NR4A2: variants seen among roughly 807,000 people sequenced by gnomAD.
NR4A2 encodes the protein nuclear receptor subfamily 4 group A member 2, also known as NGFI-B/nur77 beta-type transcription factor homolog.
NR4A2 carries 1 observed loss-of-function variant against 50.5 expected under a neutral mutation model. That is an observed-to-expected ratio of 0.02 (90% confidence interval 0.01 to 0.09). NR4A2 has a LOEUF of 0.09. Ranked by LOEUF, NR4A2 falls within the 10% of genes least tolerant of loss-of-function variation. The pLI is 1.00. For missense variants in NR4A2, 613 were observed against 777.3 expected, an observed-to-expected ratio of 0.79 and a Z score of 2.51; for synonymous variants, 328 against 309.4, an observed-to-expected ratio of 1.06 and a Z score of -0.63.
Position 156,327,991 on chromosome 2 carries a change from CT to C in NR4A2, c.1017del (p.Gly340AlafsTer23). Reference sequence around the variant, plus strand: ...TTCGAGGGCAAACGACCTCTCCGGCCTTTTAAACTGTCTGTGCGAACCACTG... The same window carrying C: ...TTCGAGGGCAAACGACCTCTCCGGCCTTTAAACTGTCTGTGCGAACCACTG... ...VKEVVRTDSL[K>X]GRRGRLPSKP... is the part of the protein sequence containing the mutation. On this transcript the variant is annotated frameshift_variant, in exon 5 of 8. Coordinates refer to ENST00000339562, the MANE Select transcript of NR4A2 (RefSeq NM_006186.4). LOFTEE classifies it high-confidence loss of function. The C allele has an allele frequency of 6.2e-7, 1 of 1,605,758 alleles. No homozygotes were observed. The highest frequency in any genetic ancestry group is 1.7e-5 in the Admixed American group (1 of 59,194).
rs1417827950 is a variant in NR4A2 at position 156,330,917 on chromosome 2, C to G, written c.-126-126G>C. On this transcript the variant is annotated intron_variant, in intron 1 of 7. Transcript: ENST00000339562. ...TGTCTCATTGGAAATGAGTGGGAAG[C>G]CTTTACCAAACATAGCACTTAAAAT... 3.9e-6 allele frequency: 3 copies of G among 775,092 alleles called. No homozygotes were observed. The African/African-American group carries it at 5.4e-5, about 14-fold the overall frequency. The allele number at this position is 775,092 out of a possible 1,614,324, so 48.0% of individuals were successfully genotyped here.
chr2:156,326,360 A>G lies in NR4A2; in HGVS notation c.1362-32T>C. The stretch of plus-strand genomic sequence containing the variant: ...TTAATACCAAAGAGAGAGAGGGGAG[A>G]AAAAGAGAGAGAGAAAAGCTAAACA... On this transcript the variant is annotated intron_variant, in intron 6 of 7. Transcript: ENST00000339562. This position sits in a 1 kb window ranked among gnomAD's most constrained non-coding sequence, Gnocchi z 4.2. 1 of 1,585,688 alleles carries G rather than the reference A, an allele frequency of 6.3e-7. No individual in the cohort carries two copies. The highest frequency in any genetic ancestry group is 8.7e-7 in the Non-Finnish European group (1 of 1,154,016).
Position 156,325,528 on chromosome 2 carries a change from A to G in NR4A2, c.*216T>C, listed in dbSNP as rs535112949. On this transcript the variant is annotated 3_prime_UTR_variant, in exon 8 of 8. Transcript: ENST00000339562. ...AAATCCAGGATGCCCCGGAGCCAAA[A>G]TGCCCTTTCAGGTTCTGCCTGCAGG... 1 of 618,816 alleles carries G rather than the reference A, an allele frequency of 1.6e-6. No individual in the cohort carries two copies. The highest frequency in any genetic ancestry group is 2.8e-6 in the Non-Finnish European group (1 of 355,016). The allele number at this position is 618,816 out of a possible 1,614,324, so 38.3% of individuals were successfully genotyped here.
Position 156,328,346 on chromosome 2 carries a change from A to G in NR4A2, c.994+58T>C. ...GGGAAGTGGAACGTGATGCTGGAGT[A>G]TGAGCAGTGGTTTCCTAAAGGCGCA... is the stretch of plus-strand genomic sequence containing the variant. On this transcript the variant is annotated intron_variant, in intron 4 of 7. Transcript: ENST00000339562. The surrounding 1 kb of genome is among the most constrained non-coding windows in gnomAD (Gnocchi z 4.9). 1 of 1,613,004 alleles carries G rather than the reference A, an allele frequency of 6.2e-7. No individual in the cohort carries two copies. Among genetic ancestry groups the G allele is most frequent in the Non-Finnish European group, 8.5e-7 (1 of 1,179,232 alleles).
chr2:156,329,934 C>T lies in NR4A2; in HGVS notation c.253G>A (p.Gly85Arg), dbSNP rs1446815988. 7 of 1,614,130 alleles carry T rather than the reference C, an allele frequency of 4.3e-6. No homozygotes were observed. The highest frequency in any genetic ancestry group is 5.1e-6 in the Non-Finnish European group (6 of 1,180,034). Residue 85 changes from glycine to arginine, a missense_variant, in exon 3 of 8, where the codon GGA (glycine) becomes AGA (arginine). Coordinates refer to ENST00000339562, the MANE Select transcript of NR4A2 (RefSeq NM_006186.4). The surrounding 1 kb of genome is among the most constrained non-coding windows in gnomAD (Gnocchi z 7.5). ...TCTACCTTAATGGAGGACTGCTGTCCGGACAGGGGCATTTGGTACAAGCAA... is the reference window on the plus strand; with the variant it reads ...TCTACCTTAATGGAGGACTGCTGTCTGGACAGGGGCATTTGGTACAAGCAA... ...PPCLYQMPLSGQQSSIKVEDI... is the reference protein window; with the variant it reads ...PPCLYQMPLSRQQSSIKVEDI...
Position 156,330,687 on chromosome 2 carries a change from G to T in NR4A2, c.-22C>A, listed in dbSNP as rs1456279054. 3.2e-6 allele frequency: 4 copies of T among 1,269,070 alleles called. No homozygotes were observed. The highest frequency in any genetic ancestry group is 2.9e-5 in the East Asian group (1 of 34,508). The allele number at this position is 1,269,070 out of a possible 1,614,324, so 78.6% of individuals were successfully genotyped here. On this transcript the variant is annotated 5_prime_UTR_variant, in exon 2 of 8. Transcript: ENST00000339562. ...ACTAACCTTCAGCCGAGTTACAGGC[G>T]TTTTCGAGGAAATTAAAGGTGGACA...
chr2:156,326,342 C>G lies in NR4A2; in HGVS notation c.1362-14G>C. ...ACTGGGTTGGACCTGCAATTAATACCAAAGAGAGAGAGGGGAGAAAAAGAG... is the reference window on the plus strand; with the variant it reads ...ACTGGGTTGGACCTGCAATTAATACGAAAGAGAGAGAGGGGAGAAAAAGAG... On this transcript the variant is annotated splice_polypyrimidine_tract_variant and intron_variant, in intron 6 of 7. Coordinates refer to ENST00000339562, the MANE Select transcript of NR4A2 (RefSeq NM_006186.4). The surrounding 1 kb of genome is among the most constrained non-coding windows in gnomAD (Gnocchi z 4.2). 6.2e-7 allele frequency: 1 copy of G among 1,610,572 alleles called. No individual in the cohort carries two copies. Among genetic ancestry groups the G allele is most frequent in the African/African-American group, 1.3e-5 (1 of 74,874 alleles).
At chr2:156,327,742 G>T in intron 5 of NR4A2, 109 bp downstream of exon 5, 1 of 1,370,032 alleles carries the variant, frequency 7.3e-7, no homozygotes, top group Non-Finnish European at 1.0e-6. Flanking sequence ...ATACAGCCTT[G>T]CTTGCCTTCT....
Position 156,328,150 on chromosome 2 carries a change from C to A in NR4A2, c.995-136G>T. On this transcript the variant is annotated intron_variant, in intron 4 of 7. Transcript: ENST00000339562. The surrounding 1 kb of genome is among the most constrained non-coding windows in gnomAD (Gnocchi z 4.9). The stretch of plus-strand genomic sequence containing the variant: ...AGGGCCCCAGTGCTTGTAAAGCCTT[C>A]ACTGACTAGAAGCATTAAAAAATGC... 1 of 1,216,316 alleles carries A rather than the reference C, an allele frequency of 8.2e-7. No individual in the cohort carries two copies. Among genetic ancestry groups the A allele is most frequent in the Non-Finnish European group, 1.2e-6 (1 of 852,652 alleles). The allele number at this position is 1,216,316 out of a possible 1,614,324, so 75.3% of individuals were successfully genotyped here. A position where few individuals can be genotyped will look rare whatever the true frequency, so the allele number is the denominator to read the frequency against.
At chr2:156,331,131 G>A (rs563378590) in intron 1 of NR4A2, among the ~76,000 whole-genome samples, 20 of 152,286 alleles carry the variant, frequency 1.3e-4, no homozygotes, top group African/African-American at 4.3e-4. Flanking sequence ...GTTAATTCAG[G>A]ACCTGAGTAT....
At position 156,326,356 on chromosome 2, in the gene NR4A2, G is replaced by A. The variant is rs750342006; in HGVS notation, c.1362-28C>T. The A allele has an allele frequency of 2.8e-5, 45 of 1,598,386 alleles. No individual in the cohort carries two copies. The highest frequency in any genetic ancestry group is 3.7e-5 in the Non-Finnish European group (43 of 1,165,962). ...GCAATTAATACCAAAGAGAGAGAGG[G>A]GAGAAAAAGAGAGAGAGAAAAGCTA... On this transcript the variant is annotated intron_variant, in intron 6 of 7. Transcript: ENST00000339562. The surrounding 1 kb of genome is among the most constrained non-coding windows in gnomAD (Gnocchi z 4.2).
rs1024532288 is a variant in NR4A2 at position 156,330,709 on chromosome 2, G to A, written c.-44C>T. The A allele has an allele frequency of 7.9e-7, 1 of 1,269,814 alleles. No individual in the cohort carries two copies. Among genetic ancestry groups the A allele is most frequent in the Admixed American group, 3.7e-5 (1 of 27,196 alleles). The allele number at this position is 1,269,814 out of a possible 1,614,324, so 78.7% of individuals were successfully genotyped here. A position where few individuals can be genotyped will look rare whatever the true frequency, so the allele number is the denominator to read the frequency against. On this transcript the variant is annotated 5_prime_UTR_variant, in exon 2 of 8. Transcript: ENST00000339562. ...GGCGTTTTCGAGGAAATTAAAGGTG[G>A]ACAGTGTCGTAATTCAATGAAGGAC...
intron 1 of NR4A2, among the ~76,000 whole-genome samples, chr2:156,332,226 C>T (rs1398581038): frequency 6.6e-6 from 1 of 152,148 alleles, no homozygotes; most frequent in Non-Finnish European, 1.5e-5. Flanking sequence ...GTGGAGTCTC[C>T]CTTCCACGTC....
chr2:156,325,570 G>A lies in NR4A2; in HGVS notation c.*174C>T. 1 of 878,060 alleles carries A rather than the reference G, an allele frequency of 1.1e-6. No homozygotes were observed. Among genetic ancestry groups the A allele is most frequent in the Non-Finnish European group, 1.8e-6 (1 of 559,036 alleles). The allele number at this position is 878,060 out of a possible 1,614,324, so 54.4% of individuals were successfully genotyped here. A position where few individuals can be genotyped will look rare whatever the true frequency, so the allele number is the denominator to read the frequency against. On this transcript the variant is annotated 3_prime_UTR_variant, in exon 8 of 8. Coordinates refer to ENST00000339562, the MANE Select transcript of NR4A2 (RefSeq NM_006186.4). ...GCCTGCAGGTTAGGAAATAGCAACA[G>A]TTTTTGTTTGTTTGTTTGTTTTCTT...
Position 156,324,847 on chromosome 2 carries a change from C to T in NR4A2, c.*897G>A, listed in dbSNP as rs559185525. The T allele has an allele frequency of 1.4e-4, 22 of 152,712 alleles. No homozygotes were observed. The highest frequency in any genetic ancestry group is 2.1e-4 in the South Asian group (1 of 4,826). 9.5% of individuals were successfully genotyped at this position (152,712 alleles called of 1,614,324 possible). A position where few individuals can be genotyped will look rare whatever the true frequency, so the allele number is the denominator to read the frequency against. On this transcript the variant is annotated 3_prime_UTR_variant, in exon 8 of 8. Coordinates refer to ENST00000339562, the MANE Select transcript of NR4A2 (RefSeq NM_006186.4). The stretch of plus-strand genomic sequence containing the variant: ...ACACTTACAAACAAGGAATGTTGGA[C>T]GGTGTTACAAACACTATGTGTCCCT...
At position 156,329,414 on chromosome 2, in the gene NR4A2, G is replaced by C. The variant is rs1204920909; in HGVS notation, c.773C>G (p.Ser258Cys). 1 of 1,610,474 alleles carries C rather than the reference G, an allele frequency of 6.2e-7. No homozygotes were observed. The highest frequency in any genetic ancestry group is 1.1e-5 in the South Asian group (1 of 90,912). The change falls in exon 3 of 8, where the codon TCC (serine) becomes TGC (cysteine). Residue 258 changes from serine (S) to cysteine (C), a missense_variant. Coordinates refer to ENST00000339562, the MANE Select transcript of NR4A2 (RefSeq NM_006186.4). This position sits in a 1 kb window ranked among gnomAD's most constrained non-coding sequence, Gnocchi z 7.5. ...ACACACAGCGCACAGCCCCTCGTTG[G>C]AGGGGGAGCCCCGCGACGGCGGTGA... ...VPSPPSRGSP[S>C]NEGLCAVCGD...
Position 156,327,883 on chromosome 2 carries a change from TG to T in NR4A2, c.1125del (p.Asn376ThrfsTer4). 1 of 1,591,750 alleles carries T rather than the reference TG, an allele frequency of 6.3e-7. No homozygotes were observed. ...ISALVRAHVD[S>X]NPAMTSLDYS... ...TAGTCCAGGCTGGTCATAGCCGGGT[TG>T]GAGTCGACATGGGCCCTGACGAGGG... On this transcript the variant is annotated frameshift_variant, in exon 5 of 8. Transcript: ENST00000339562. LOFTEE classifies it high-confidence loss of function.
In NR4A2 at chr2:156,332,480, T is replaced by C. The variant is rs1686976441; in HGVS notation, c.-127A>G. On this transcript the variant is annotated splice_region_variant and 5_prime_UTR_variant, in exon 1 of 8. It removes the in-frame stop codon of an upstream open reading frame in the 5' UTR. Coordinates refer to ENST00000339562, the MANE Select transcript of NR4A2 (RefSeq NM_006186.4). ...AACTGCATGGGCTGCATCTACTCACTTAGGAGTTCTCCGCGTCTGTCTTCA... is the reference window on the plus strand; with the variant it reads ...AACTGCATGGGCTGCATCTACTCACCTAGGAGTTCTCCGCGTCTGTCTTCA... 7.8e-7 allele frequency: 1 copy of C among 1,289,128 alleles called. No individual in the cohort carries two copies. Among genetic ancestry groups the C allele is most frequent in the Non-Finnish European group, 1.0e-6 (1 of 988,594 alleles). The allele number at this position is 1,289,128 out of a possible 1,614,324, so 79.9% of individuals were successfully genotyped here.
chr2:156,326,347 AG>A lies in NR4A2; in HGVS notation c.1362-20del. On this transcript the variant is annotated intron_variant, in intron 6 of 7. Coordinates refer to ENST00000339562, the MANE Select transcript of NR4A2 (RefSeq NM_006186.4). This position sits in a 1 kb window ranked among gnomAD's most constrained non-coding sequence, Gnocchi z 4.2. ...GTTGGACCTGCAATTAATACCAAAGAGAGAGAGGGGAGAAAAAGAGAGAGAG... is the reference window on the plus strand; with the variant it reads ...GTTGGACCTGCAATTAATACCAAAGAAGAGAGGGGAGAAAAAGAGAGAGAG... 1 of 1,608,156 alleles carries A rather than the reference AG, an allele frequency of 6.2e-7. No homozygotes were observed.
Sources: gnomAD v4.1 joint callset for allele counts (sites outside exome capture counted in the v4.1 genomes callset) on GRCh38, gnomAD v4.1.1 for gene constraint, Gnocchi (gnomAD v3.1) non-coding constraint, MANE v1.5 for transcripts, NCBI Gene and HGNC (gene_info 2026-07-23, HGNC 2026-07-21) for gene names.